Variants in BCL2 observed in about 807,000 individuals in gnomAD.
BCL2 encodes apoptosis regulator Bcl-2.
Under a neutral mutation model 14.2 loss-of-function variants are expected in BCL2, and 1 was observed. The observed-to-expected ratio is 0.07, with a 90% CI of 0.02 to 0.33. BCL2 has a LOEUF of 0.33. Ranked by LOEUF, BCL2 falls within the 10% of genes least tolerant of loss-of-function variation. The pLI, the probability that BCL2 is intolerant of heterozygous loss-of-function variation, is 0.99. For missense variants in BCL2, 247 were observed against 305.9 expected (o/e 0.81, Z 1.44); for synonymous variants, 151 against 137.2 (o/e 1.10, Z -0.70).
At chr18:63,244,940 AT>A (rs1169828113) in intron 2 of BCL2, among the ~76,000 whole-genome samples, 1 of 152,134 alleles carries the variant, frequency 6.6e-6, no homozygotes, top group African/African-American at 2.4e-5. Context: ...GCGTGTTTCC[AT>A]TTCAGCCTGC....
At chr18:63,229,178 TTTA>T (rs1447078147) in intron 2 of BCL2, among the ~76,000 whole-genome samples, 4 of 152,166 alleles carry the variant, frequency 2.6e-5, no homozygotes, top group Non-Finnish European at 5.9e-5. Flanking sequence ...ATTTTATTTA[TTTA>T]TTTATTTATA....
chr18:63,207,525 C>T (rs1463787594), intron 2 of BCL2: 1 of 151,734 alleles, frequency 6.6e-6, no homozygotes, highest in Non-Finnish European at 1.5e-5. Flanking sequence ...TTCCAGACTG[C>T]CTGGGAGCAC....
At chr18:63,182,291 A>G (rs1817286086) in intron 2 of BCL2, among the ~76,000 whole-genome samples, 1 of 152,134 alleles carries the variant, frequency 6.6e-6, no homozygotes, top group Admixed American at 6.5e-5. Flanking sequence ...AGCCTGCACA[A>G]TCAGGAGATT....
intron 2 of BCL2, among the ~76,000 whole-genome samples, chr18:63,267,025 G>A: frequency 6.6e-6 from 1 of 152,224 alleles, no homozygotes. Flanking sequence ...GAAACAGAGA[G>A]TGCTCCTCAG....
At chr18:63,268,070 C>G (rs371021440) in intron 2 of BCL2, among the ~76,000 whole-genome samples, 1 of 152,228 alleles carries the variant, frequency 6.6e-6, no homozygotes, top group Admixed American at 6.5e-5. Context: ...TCACGCATGG[C>G]GGAAGCCACT....
chr18:63,256,301 C>T (rs1911474211), intron 2 of BCL2, among the ~76,000 whole-genome samples: 1 of 152,214 alleles, frequency 6.6e-6, no homozygotes, highest in Non-Finnish European at 1.5e-5. Flanking sequence ...ACTGCAACCT[C>T]CACCTTCCAG....
chr18:63,134,150 G>C (rs1298838900), intron 2 of BCL2, among the ~76,000 whole-genome samples: 1 of 152,196 alleles, frequency 6.6e-6, no homozygotes, highest in Non-Finnish European at 1.5e-5. Flanking sequence ...GGCAGAAGTA[G>C]GCATGAGGAC....
intron 2 of BCL2, among the ~76,000 whole-genome samples, chr18:63,266,413 G>A (rs1183059120): frequency 6.6e-6 from 1 of 151,746 alleles, no homozygotes; most frequent in Non-Finnish European, 1.5e-5. Context: ...CAGGGCATGG[G>A]TGACAGGAGC....
intron 2 of BCL2, among the ~76,000 whole-genome samples, chr18:63,235,476 C>T (rs539523095): frequency 1.8e-4 from 28 of 152,240 alleles, no homozygotes; most frequent in African/African-American, 6.5e-4. Flanking sequence ...TTGCAACGGA[C>T]AAATCTTACA....
rs1014353594 is a variant in BCL2, at chr18:63,155,280, A to G, written c.586-26521T>C. 3.9e-5 allele frequency among the ~76,000 whole-genome samples: 6 copies of G among 152,220 alleles called. No homozygotes were observed. The East Asian group carries it at 1.2e-3, about 29-fold the overall frequency. ...GAGAAAGGCTCGGGACAGCAGGGCC[A>G]CAGCACGTCTCCTGGCCTCCAGGGA... On this transcript the variant is annotated intron_variant, in intron 2 of 2. Coordinates refer to ENST00000333681, the MANE Select transcript of BCL2 (RefSeq NM_000633.3).
chr18:63,197,993 T>A (rs528486183), intron 2 of BCL2, among the ~76,000 whole-genome samples: 1 of 152,294 alleles, frequency 6.6e-6, no homozygotes, highest in East Asian at 1.9e-4. Context: ...AAGGTGGATT[T>A]TATTTGAGCT....
chr18:63,209,612 C>T (rs1488332171), intron 2 of BCL2, among the ~76,000 whole-genome samples: 1 of 152,042 alleles, frequency 6.6e-6, no homozygotes, highest in East Asian at 1.9e-4. Context: ...GGGGATTCTC[C>T]AAGGTGGCAT....
intron 2 of BCL2, among the ~76,000 whole-genome samples, chr18:63,274,681 G>A (rs542600093): frequency 3.9e-5 from 6 of 152,026 alleles, no homozygotes; most frequent in South Asian, 2.1e-4. Flanking sequence ...TGAAGCAAAC[G>A]GAACTGCAGG....
chr18:63,127,386 C>T lies in BCL2; in HGVS notation c.*1239G>A, dbSNP rs1913938752. ...TAGGAAGGGCCCAGGGCCTCTGTTC[C>T]TTCCCTCTACAGTGATACATGTCTT... On this transcript the variant is annotated 3_prime_UTR_variant, in exon 3 of 3. Transcript: ENST00000333681. 1 of 235,596 alleles carries T rather than the reference C, an allele frequency of 4.2e-6. No homozygotes were observed. The highest frequency in any genetic ancestry group is 5.9e-5 in the East Asian group (1 of 16,950). The allele number at this position is 235,596 out of a possible 1,614,324, so 14.6% of individuals were successfully genotyped here.
rs555309057 is a variant in BCL2, at chr18:63,223,233, T to C, written c.586-94474A>G. Among the ~76,000 whole-genome samples the C allele has an allele frequency of 6.2e-4, 95 of 152,010 alleles. 1 individual carries two copies. The highest frequency in any genetic ancestry group is 9.1e-4 in the Non-Finnish European group (62 of 67,934). On this transcript the variant is annotated intron_variant, in intron 2 of 2. Coordinates refer to ENST00000333681, the MANE Select transcript of BCL2 (RefSeq NM_000633.3). ...TGGCTAACAGGTGAAACCCCGTCTC[T>C]ACTAAAAATAGAAAAAGTTAGCCGG... is the stretch of plus-strand genomic sequence containing the variant.
intron 2 of BCL2, among the ~76,000 whole-genome samples, chr18:63,213,424 C>A (rs894772390): frequency 9.9e-5 from 15 of 151,984 alleles, no homozygotes; most frequent in Non-Finnish European, 2.1e-4. Flanking sequence ...AGACTTCATA[C>A]TTTAAGAACT....
intron 2 of BCL2, among the ~76,000 whole-genome samples, chr18:63,198,822 CACAGACAT>C (rs1267326575): frequency 6.6e-6 from 1 of 150,462 alleles, no homozygotes; most frequent in Non-Finnish European, 1.5e-5. Flanking sequence ...CACACAGACA[CACAGACAT>C]ACACAGACAC....
rs942400817 is a variant in BCL2 at position 63,123,888 on chromosome 18, A to C, written c.*4737T>G. ...GTGCATGGATTTACTCAGTATCTACACTACAGTCTTATTTATTAATAGTCT... is the reference window on the plus strand; with the variant it reads ...GTGCATGGATTTACTCAGTATCTACCCTACAGTCTTATTTATTAATAGTCT... On this transcript the variant is annotated 3_prime_UTR_variant, in exon 3 of 3. Coordinates refer to ENST00000333681, the MANE Select transcript of BCL2 (RefSeq NM_000633.3). The C allele has an allele frequency of 9.1e-6, 2 of 218,986 alleles. No individual in the cohort carries two copies. Among genetic ancestry groups the C allele is most frequent in the Non-Finnish European group, 1.8e-5 (2 of 109,048 alleles). 13.6% of individuals were successfully genotyped at this position (218,986 alleles called of 1,614,324 possible).
intron 2 of BCL2, among the ~76,000 whole-genome samples, chr18:63,214,581 A>G (rs1033424181): frequency 2.0e-5 from 3 of 152,100 alleles, no homozygotes; most frequent in Non-Finnish European, 2.9e-5. Context: ...AGCAAATTAA[A>G]CCAGGAGGGA....
Sources: allele counts gnomAD v4.1 joint callset (sites outside exome capture counted in the v4.1 genomes callset), GRCh38; gene constraint gnomAD v4.1.1; transcripts MANE v1.5; gene names NCBI Gene and HGNC (gene_info 2026-07-23, HGNC 2026-07-21).